ERBB4: variants seen among roughly 807,000 people sequenced by gnomAD.
ERBB4 encodes receptor tyrosine-protein kinase erbB-4.
In ERBB4, 42 loss-of-function variants were observed where a neutral mutation model predicts 158.0. That is an observed-to-expected ratio of 0.27 (90% CI 0.21 to 0.34). The LOEUF is 0.34. ERBB4 is among the 10% of genes least tolerant of loss of function. The pLI is 1.00. For synonymous variants in ERBB4, 583 were observed against 558.7 expected (o/e 1.04, Z -0.61); for missense variants, 1,333 against 1,624.1 (o/e 0.82, Z 3.08).
intron 2 of ERBB4, among the ~76,000 whole-genome samples, chr2:212,050,965 AG>A (rs2077383721): frequency 6.6e-6 from 1 of 152,188 alleles, no homozygotes; most frequent in Admixed American, 6.5e-5. Context: ...ATAAACAACC[AG>A]GGAATGTAAA....
At chr2:211,946,041 CTATCAT>C (rs1278057594) in intron 3 of ERBB4, among the ~76,000 whole-genome samples, 1 of 151,752 alleles carries the variant, frequency 6.6e-6, no homozygotes, top group Non-Finnish European at 1.5e-5. Context: ...ATTCTTTCTC[CTATCAT>C]TATTTCTATA....
chr2:211,789,718 C>T lies in ERBB4; in HGVS notation c.422-1559G>A, dbSNP rs114473222. Among the ~76,000 whole-genome samples, 1,055 of 152,134 alleles carry T rather than the reference C, an allele frequency of 6.9e-3. 19 individuals carry two copies. Among genetic ancestry groups the T allele is most frequent in the Middle Eastern group, 0.048 (14 of 294 alleles). ...GGAAGGCAACCGACACCATCTCCCACGGTAGCCTTGAGAAATTCATCTCTC... is the reference window on the plus strand; with the variant it reads ...GGAAGGCAACCGACACCATCTCCCATGGTAGCCTTGAGAAATTCATCTCTC... On this transcript the variant is annotated intron_variant, in intron 3 of 27. Transcript: ENST00000342788.
Position 212,189,983 on chromosome 2 carries a change from A to G in ERBB4, c.83-65080T>C, listed in dbSNP as rs141695737. 2.0e-5 allele frequency among the ~76,000 whole-genome samples: 3 copies of G among 152,324 alleles called. No homozygotes were observed. In the East Asian group the frequency reaches 5.8e-4, roughly 29 times the overall value. ...ATTGGAATATGTCTTTGTAAGGTTA[A>G]TGAAAACACACCTTTTTATAATAAA... On this transcript the variant is annotated intron_variant, in intron 1 of 27. Transcript: ENST00000342788.
At chr2:212,107,609 G>A (rs1306209569) in intron 2 of ERBB4, among the ~76,000 whole-genome samples, 2 of 152,116 alleles carry the variant, frequency 1.3e-5, no homozygotes, top group African/African-American at 2.4e-5. Context: ...GATTGGTTTT[G>A]AAATGTGAGG....
chr2:212,080,715 A>G (rs1318136376), intron 2 of ERBB4, among the ~76,000 whole-genome samples: 2 of 150,618 alleles, frequency 1.3e-5, no homozygotes, highest in East Asian at 3.9e-4. Flanking sequence ...TTCAAAATTT[A>G]TCTGGAAGAT....
At chr2:212,125,065 C>T in intron 1 of ERBB4, 162 bp from the exon 2 acceptor site, 1 of 746,992 alleles carries the variant, frequency 1.3e-6, no homozygotes, top group Non-Finnish European at 2.2e-6. Flanking sequence ...CACTGATGAA[C>T]ATTTTCACTT....
At chr2:212,143,739 T>C (rs2080563699) in intron 1 of ERBB4, among the ~76,000 whole-genome samples, 1 of 152,088 alleles carries the variant, frequency 6.6e-6, no homozygotes, top group Non-Finnish European at 1.5e-5. Context: ...TTAGATCGGC[T>C]GGACATGGTG....
intron 2 of ERBB4, among the ~76,000 whole-genome samples, chr2:212,120,376 A>T (rs1189841481): frequency 2.0e-5 from 3 of 152,200 alleles, no homozygotes; most frequent in African/African-American, 7.2e-5. Flanking sequence ...ACACTGAAAT[A>T]ACATGACTCA....
chr2:212,369,817 C>CA (rs199732037), intron 1 of ERBB4, among the ~76,000 whole-genome samples: 3,767 of 152,144 alleles, frequency 0.025, 169 homozygotes, highest in African/African-American at 0.085. Flanking sequence ...CTCAGCCTCA[C>CA]AATAGCTAGG....
intron 3 of ERBB4, among the ~76,000 whole-genome samples, chr2:211,913,369 G>A (rs1001386685): frequency 2.0e-5 from 3 of 152,114 alleles, no homozygotes; most frequent in African/African-American, 7.2e-5. Context: ...GGAGGCTGAG[G>A]CGGGCGGATC....
intron 6 of ERBB4, among the ~76,000 whole-genome samples, chr2:211,723,433 C>T (rs1418245815): frequency 1.3e-5 from 2 of 152,124 alleles, no homozygotes; most frequent in African/African-American, 4.8e-5. Context: ...AATACGAACT[C>T]AAGCTATGAT....
At chr2:211,477,245 T>C in intron 20 of ERBB4, among the ~76,000 whole-genome samples, 1 of 152,018 alleles carries the variant, frequency 6.6e-6, no homozygotes, top group East Asian at 1.9e-4. Flanking sequence ...AGCCCTACCC[T>C]GTGATTTTAG....
At chr2:211,430,865 G>C in intron 21 of ERBB4, 80 bp downstream of exon 21, 1 of 1,257,080 alleles carries the variant, frequency 8.0e-7, no homozygotes, top group Non-Finnish European at 1.2e-6. Flanking sequence ...AGGCTTATTG[G>C]TTTCTTGTAT....
intron 19 of ERBB4, among the ~76,000 whole-genome samples, chr2:211,604,928 A>G (rs908914878): frequency 6.6e-6 from 1 of 152,206 alleles, no homozygotes; most frequent in African/African-American, 2.4e-5. Flanking sequence ...TGAAAAAAAG[A>G]CATGCAGAGA....
rs775918426 is a variant in ERBB4, at chr2:212,013,058, C to CT, written c.235-65443dup. The stretch of plus-strand genomic sequence containing the variant: ...CCATGCCCAGCCAAGAAATACTTTC[C>CT]TTTTTTTTTTTTTTTTGAGACAGAG... On this transcript the variant is annotated intron_variant, in intron 2 of 27. Transcript: ENST00000342788. Among the ~76,000 whole-genome samples, 1,064 of 139,676 alleles carry CT rather than the reference C, an allele frequency of 7.6e-3. 7 individuals are homozygous for CT. The highest frequency in any genetic ancestry group is 0.02 in the African/African-American group (773 of 38,122). 91.6% of individuals were successfully genotyped at this position (139,676 alleles called of 152,430 possible). A position where few individuals can be genotyped will look rare whatever the true frequency, so the allele number is the denominator to read the frequency against.
At chr2:211,574,818 T>C (rs564491763) in intron 19 of ERBB4, among the ~76,000 whole-genome samples, 1 of 152,340 alleles carries the variant, frequency 6.6e-6, no homozygotes, top group African/African-American at 2.4e-5. Flanking sequence ...CTTGTAGCTT[T>C]ATTTAGTTCA....
chr2:212,112,326 T>C (rs528449041), intron 2 of ERBB4, among the ~76,000 whole-genome samples: 2 of 152,222 alleles, frequency 1.3e-5, no homozygotes, highest in South Asian at 4.2e-4. Flanking sequence ...CTCGGTACAG[T>C]TTTCCTTATA....
chr2:212,447,403 T>C (rs1250205125), intron 1 of ERBB4, among the ~76,000 whole-genome samples: 1 of 152,184 alleles, frequency 6.6e-6, no homozygotes, highest in Non-Finnish European at 1.5e-5. Context: ...TAAAAAAATG[T>C]GACTTATTAA....
At position 211,705,335 on chromosome 2, in the gene ERBB4, G is replaced by C; in HGVS notation, c.1181C>G (p.Thr394Arg). The C allele has an allele frequency of 1.2e-6, 2 of 1,611,096 alleles. No homozygotes were observed. Among genetic ancestry groups the C allele is most frequent in the Non-Finnish European group, 1.7e-6 (2 of 1,177,332 alleles). ...AAAATTACCTGTTATCTCTCTGACTGTCCGAAAGACGTTCAGTTTCTCTGG... is the reference window on the plus strand; with the variant it reads ...AAAATTACCTGTTATCTCTCTGACTCTCCGAAAGACGTTCAGTTTCTCTGG... Reference protein sequence around the residue: ...IDPEKLNVFRTVREITGFLNI... With the variant: ...IDPEKLNVFRRVREITGFLNI... The change falls in exon 10 of 28, where the codon ACA becomes AGA. Residue 394 changes from threonine (T) to arginine (R), a missense_variant. Thr to Arg is a moderately conservative substitution (Grantham distance 71). This residue lies in a region of ERBB4 where 438 missense variants were observed against 586.9 expected (regional missense o/e 0.75). Coordinates refer to ENST00000342788, the MANE Select transcript of ERBB4 (RefSeq NM_005235.3).
Sources: gnomAD v4.1 joint callset for allele counts (sites outside exome capture counted in the v4.1 genomes callset) on GRCh38, gnomAD v4.1.1 for gene constraint, gnomAD v4.1.1 regional missense constraint, MANE v1.5 for transcripts, NCBI Gene and HGNC (gene_info 2026-07-23, HGNC 2026-07-21) for gene names.